The following PROM1 variants were observed in gnomAD, a reference collection of about 807,000 sequenced individuals.
PROM1 encodes prominin 1, also known as prominin-1.
Under a neutral mutation model 116.9 loss-of-function variants are expected in PROM1, and 105 were observed. The ratio of observed to expected loss-of-function variants is 0.90; its 90% CI spans 0.77 to 1.06. The LOEUF (loss-of-function observed/expected upper bound fraction) is 1.06, where lower values mean the gene tolerates loss of function less well. PROM1 is among the 50% of genes least tolerant of loss of function. PROM1 has a pLI of 0.00. For missense variants in PROM1, 1,122 were observed against 1,045.2 expected, an observed-to-expected ratio of 1.07 and a Z score of -1.01; for synonymous variants, 393 against 387.0, an observed-to-expected ratio of 1.02 and a Z score of -0.18.
intron 7 of PROM1, among the ~76,000 whole-genome samples, chr4:16,023,947 C>T (rs1256534503): frequency 1.3e-5 from 2 of 152,204 alleles, no homozygotes; most frequent in Non-Finnish European, 2.9e-5. Context: ...TCTGAAGCCA[C>T]CGGTTTCTCT....
intron 13 of PROM1, among the ~76,000 whole-genome samples, chr4:16,005,595 G>A (rs1017109738): frequency 2.0e-5 from 3 of 150,814 alleles, no homozygotes; most frequent in Non-Finnish European, 4.4e-5. Context: ...TCAAATTAAT[G>A]TACAGCATCT....
intron 13 of PROM1, among the ~76,000 whole-genome samples, chr4:16,004,856 CCT>C (rs1724867604): frequency 7.3e-6 from 1 of 137,414 alleles, no homozygotes; most frequent in Non-Finnish European, 1.6e-5. Context: ...TTCCTTCCTT[CCT>C]TCCTCTCTCT....
intron 2 of PROM1, among the ~76,000 whole-genome samples, chr4:16,070,394 T>A (rs187230317): frequency 3.9e-5 from 6 of 152,128 alleles, no homozygotes; most frequent in Non-Finnish European, 8.8e-5. Flanking sequence ...AGAGGGGACT[T>A]TGTTATTATG....
chr4:15,982,128 C>G (rs1173906223), intron 23 of PROM1, among the ~76,000 whole-genome samples: 1 of 152,242 alleles, frequency 6.6e-6, no homozygotes, highest in Non-Finnish European at 1.5e-5. Flanking sequence ...AATCTACAAC[C>G]TGCCAACTTC....
At chr4:15,973,309 C>T (rs934205991) in intron 26 of PROM1, among the ~76,000 whole-genome samples, 12 of 152,096 alleles carry the variant, frequency 7.9e-5, no homozygotes, top group African/African-American at 1.7e-4. Flanking sequence ...TAGCTGAGCA[C>T]GGTGGTGTGT....
intron 2 of PROM1, among the ~76,000 whole-genome samples, chr4:16,051,837 C>T (rs1246965565): frequency 6.6e-6 from 1 of 152,210 alleles, no homozygotes; most frequent in Non-Finnish European, 1.5e-5. Flanking sequence ...CAGCTGAGAG[C>T]AGAGTCAGAA....
chr4:16,020,419 G>T (rs1448020414), intron 8 of PROM1, among the ~76,000 whole-genome samples: 1 of 152,144 alleles, frequency 6.6e-6, no homozygotes, highest in Non-Finnish European at 1.5e-5. Flanking sequence ...GAAGCATGAA[G>T]TCTGGTATCT....
chr4:16,046,129 T>C (rs2149446816), intron 2 of PROM1, among the ~76,000 whole-genome samples: 1 of 152,358 alleles, frequency 6.6e-6, no homozygotes, highest in East Asian at 1.9e-4. Flanking sequence ...TGAGTACAAA[T>C]GGCTGGTAAA....
chr4:15,998,790 A>G (rs1236506760), intron 14 of PROM1, among the ~76,000 whole-genome samples: 1 of 152,058 alleles, frequency 6.6e-6, no homozygotes, highest in African/African-American at 2.4e-5. Flanking sequence ...ATCTCAGCTC[A>G]CTGCAACCTC....
Position 15,993,999 on chromosome 4 carries a change from G to A in PROM1, c.1755C>T (p.Leu585=). Residue 585 remains leucine (L), a synonymous_variant, in exon 16 of 28, where the codon CTC becomes CTT. Transcript: ENST00000447510. ...GAGTTCTAATTACCTCATTAATGTT[G>A]AGATGTTCACTGATATTGAAGCTGT... ...LQNSFNISEH[L]NINEHTGSIS... The A allele has an allele frequency of 6.2e-7, 1 of 1,613,834 alleles. No individual in the cohort carries two copies. Among genetic ancestry groups the A allele is most frequent in the Non-Finnish European group, 8.5e-7 (1 of 1,179,814 alleles).
chr4:16,077,496 C>T (rs1054756740), intron 1 of PROM1, among the ~76,000 whole-genome samples: 4 of 152,160 alleles, frequency 2.6e-5, no homozygotes, highest in African/African-American at 7.2e-5. Flanking sequence ...ATGGATCCTC[C>T]GTACGCTGAA....
rs369904108 is a variant in PROM1, at chr4:16,066,654, T to C, written c.220+9033A>G. The stretch of plus-strand genomic sequence containing the variant: ...TGGCACCACCCTGCAGACCACACTT[T>C]CCCGCCACTTCTCTAGGGGTAAATC... On this transcript the variant is annotated intron_variant, in intron 2 of 27. Transcript: ENST00000447510. 2.2e-4 allele frequency among the ~76,000 whole-genome samples: 34 copies of C among 152,170 alleles called. 1 individual carries two copies. Among genetic ancestry groups the C allele is most frequent in the African/African-American group, 7.7e-4 (32 of 41,542 alleles).
intron 19 of PROM1, 113 bp from the exon 20 acceptor site, chr4:15,987,829 G>T: frequency 1.2e-6 from 1 of 808,890 alleles, no homozygotes; most frequent in Non-Finnish European, 2.0e-6. Flanking sequence ...ACACTGTAAT[G>T]GTTTCATTCT....
At chr4:16,035,586 A>G (rs577845731) in intron 4 of PROM1, 149 bp downstream of exon 4, 3 of 797,508 alleles carry the variant, frequency 3.8e-6, no homozygotes, top group Non-Finnish European at 6.4e-6. Flanking sequence ...TGTAAATATT[A>G]CAGAGATATC....
chr4:16,025,455 T>A (rs1731019276), intron 5 of PROM1, 143 bp from the exon 6 acceptor site: 2 of 1,051,972 alleles, frequency 1.9e-6, no homozygotes, highest in African/African-American at 3.2e-5. Flanking sequence ...TCCTCCCACA[T>A]CCTTCCCACC....
rs542256533 is a variant in PROM1 at position 16,040,899 on chromosome 4, A to G, written c.221-1898T>C. On this transcript the variant is annotated intron_variant, in intron 2 of 27. Transcript: ENST00000447510. ...CCATTCACTTTTTTTTTTCCCTTACAAAACAAAAGCAAACAAACAAAAACA... is the reference window on the plus strand; with the variant it reads ...CCATTCACTTTTTTTTTTCCCTTACGAAACAAAAGCAAACAAACAAAAACA... Among the ~76,000 whole-genome samples the G allele has an allele frequency of 2.6e-5, 4 of 152,252 alleles. No individual in the cohort carries two copies. In the East Asian group the frequency reaches 7.7e-4, roughly 29 times the overall value.
intron 2 of PROM1, among the ~76,000 whole-genome samples, chr4:16,062,815 T>A (rs138718319): frequency 1.3e-5 from 2 of 152,352 alleles, no homozygotes; most frequent in East Asian, 3.9e-4. Context: ...AAAACTTTCT[T>A]AATTTAGGCA....
At chr4:16,025,395 G>C in intron 5 of PROM1, 83 bp from the exon 6 acceptor site, 1 of 1,535,096 alleles carries the variant, frequency 6.5e-7, no homozygotes, top group Non-Finnish European at 8.9e-7. Context: ...CAGAGCAGGA[G>C]TCAGGGAGGA....
chr4:15,990,635 G>A (rs1487949172), intron 18 of PROM1, among the ~76,000 whole-genome samples: 3 of 152,166 alleles, frequency 2.0e-5, no homozygotes, highest in African/African-American at 7.2e-5. Context: ...GCAGAGGGTG[G>A]AAGGCTGCAG....
Sources: allele counts gnomAD v4.1 joint callset (sites outside exome capture counted in the v4.1 genomes callset), GRCh38; gene constraint gnomAD v4.1.1; transcripts MANE v1.5; gene names NCBI Gene and HGNC (gene_info 2026-07-23, HGNC 2026-07-21).